The following SNX8 variants were observed in gnomAD, a reference collection of about 807,000 sequenced individuals.
SNX8 encodes the protein sorting nexin-8.
Under a neutral mutation model 51.6 loss-of-function variants are expected in SNX8, and 25 were observed. The ratio of observed to expected loss-of-function variants is 0.48; its 90% CI spans 0.35 to 0.68. SNX8 has a LOEUF of 0.68. Among genes scored for constraint, SNX8 ranks in the 30% least tolerant of loss-of-function variants. The pLI, the probability that SNX8 is intolerant of heterozygous loss-of-function variation, is 0.00. For synonymous variants in SNX8, 324 were observed against 277.0 expected (o/e 1.17, Z -1.68); for missense variants, 695 against 624.0 (o/e 1.11, Z -1.21).
intron 10 of SNX8, 21 bp downstream of exon 10, chr7:2,256,853 G>A (rs745787149): frequency 4.4e-5 from 70 of 1,598,378 alleles, no homozygotes; most frequent in Middle Eastern, 1.8e-4. Context: ...CGAGACGGCG[G>A]CCGGAGCAGG....
At chr7:2,328,212 T>C (rs150429699) in intron 1 of SNX8, among the ~76,000 whole-genome samples, 80 of 152,162 alleles carry the variant, frequency 5.3e-4, no homozygotes, top group African/African-American at 1.9e-3. Context: ...TCACCACGCC[T>C]GGCTAATTTT....
chr7:2,265,868 T>C (rs908251131), intron 5 of SNX8, among the ~76,000 whole-genome samples: 2 of 151,368 alleles, frequency 1.3e-5, no homozygotes, highest in African/African-American at 2.4e-5. Context: ...TCCCAGTACT[T>C]TGGGGGGCCA....
chr7:2,351,856 A>T (rs1779148017), intron 1 of SNX8, among the ~76,000 whole-genome samples: 1 of 151,082 alleles, frequency 6.6e-6, no homozygotes, highest in Non-Finnish European at 1.5e-5. Context: ...AAATAAATAA[A>T]GATAATAATA....
intron 1 of SNX8, among the ~76,000 whole-genome samples, chr7:2,336,512 G>C (rs957473279): frequency 6.6e-6 from 1 of 151,940 alleles, no homozygotes; most frequent in Non-Finnish European, 1.5e-5. Flanking sequence ...TTTGAAACCA[G>C]CCTGCCTAAC....
chr7:2,332,250 A>G (rs78341905), intron 1 of SNX8, among the ~76,000 whole-genome samples: 3,138 of 150,706 alleles, frequency 0.021, 114 homozygotes, highest in African/African-American at 0.072. Context: ...ATACACATAT[A>G]TAATAAAATA....
chr7:2,352,278 T>G (rs77382933), intron 1 of SNX8, among the ~76,000 whole-genome samples: 1,597 of 152,178 alleles, frequency 0.01, 24 homozygotes, highest in African/African-American at 0.036. Context: ...CACTTTGACT[T>G]CATCTTGATT....
intron 4 of SNX8, 80 bp from the exon 5 acceptor site, chr7:2,269,719 C>T (rs1795597646): frequency 2.2e-6 from 2 of 911,712 alleles, no homozygotes; most frequent in Non-Finnish European, 3.4e-6. Flanking sequence ...CACTGTGGAG[C>T]GGGAGGTCGT....
At chr7:2,287,140 AAAT>A (rs969015403) in intron 1 of SNX8, among the ~76,000 whole-genome samples, 11 of 151,382 alleles carry the variant, frequency 7.3e-5, no homozygotes, top group African/African-American at 2.4e-5. Flanking sequence ...TCTGTCTCAA[AAAT>A]AATAATAATA....
intron 1 of SNX8, among the ~76,000 whole-genome samples, chr7:2,338,368 A>G (rs1280971261): frequency 1.3e-5 from 2 of 151,978 alleles, no homozygotes; most frequent in Non-Finnish European, 2.9e-5. Flanking sequence ...AGGCTGAGGC[A>G]GGAGAATGGC....
upstream of SNX8, chr7:2,314,613 C>T: frequency 2.6e-6 from 1 of 386,638 alleles, no homozygotes; most frequent in Non-Finnish European, 3.7e-6. Context: ...CCTAGCCACG[C>T]CCACATGCCC....
chr7:2,253,694 CGT>C lies in SNX8; in HGVS notation c.*1360_*1361del, dbSNP rs1795100007. On this transcript the variant is annotated 3_prime_UTR_variant, in exon 11 of 11. Transcript: ENST00000222990. The stretch of plus-strand genomic sequence containing the variant: ...AGCCCACGGGGCCAGAAGGCACGGC[CGT>C]TCCCTCTGGCCGGCTCGCAGTGGAC... 1 of 152,312 alleles carries C rather than the reference CGT, an allele frequency of 6.6e-6. No individual in the cohort carries two copies. Among genetic ancestry groups the C allele is most frequent in the Non-Finnish European group, 1.5e-5 (1 of 68,134 alleles). The allele number at this position is 152,312 out of a possible 1,614,324, so 9.4% of individuals were successfully genotyped here.
Position 2,272,139 on chromosome 7 carries a change from G to A in SNX8, c.419-168C>T, listed in dbSNP as rs191042820. On this transcript the variant is annotated intron_variant, in intron 3 of 10. Transcript: ENST00000222990. ...CTCAGACAATGGGTCTGAAAAGGCC[G>A]CCCAGAGCAATAACCTCACCCCCAG... Among the ~76,000 whole-genome samples the A allele has an allele frequency of 3.8e-3, 574 of 152,232 alleles. 1 individual carries two copies. Among genetic ancestry groups the A allele is most frequent in the African/African-American group, 0.013 (544 of 41,540 alleles).
intron 1 of SNX8, among the ~76,000 whole-genome samples, chr7:2,289,963 C>T (rs1042800247): frequency 6.6e-6 from 1 of 152,098 alleles, no homozygotes; most frequent in Admixed American, 6.6e-5. Context: ...GAGGCTGAGG[C>T]GGGTGGATCA....
intron 1 of SNX8, among the ~76,000 whole-genome samples, chr7:2,346,548 C>T (rs921399528): frequency 1.3e-5 from 2 of 151,202 alleles, no homozygotes; most frequent in Non-Finnish European, 2.9e-5. Flanking sequence ...GAGATCGAGA[C>T]CATCCTGGCT....
At chr7:2,315,742 CCACT>C (rs376050445), upstream of SNX8, among the ~76,000 whole-genome samples, 750 of 146,744 alleles carry the variant, frequency 5.1e-3, 14 homozygotes, top group African/African-American at 0.017. Context: ...ATTCATTCAC[CCACT>C]CACTCACTTA....
chr7:2,332,320 G>C (rs1415308848), intron 1 of SNX8, among the ~76,000 whole-genome samples: 1 of 151,986 alleles, frequency 6.6e-6, no homozygotes, highest in Non-Finnish European at 1.5e-5. Context: ...GACATATTAG[G>C]ACGTCAGCTC....
chr7:2,271,808 G>A (rs1185907864), intron 4 of SNX8, 42 bp downstream of exon 4: 19 of 1,564,920 alleles, frequency 1.2e-5, no homozygotes, highest in Non-Finnish European at 1.6e-5. Context: ...GAGGCTCGGG[G>A]ACTCCCCGGG....
intron 1 of SNX8, among the ~76,000 whole-genome samples, chr7:2,335,923 G>A (rs985756000): frequency 6.6e-5 from 10 of 151,552 alleles, no homozygotes; most frequent in Non-Finnish European, 1.0e-4. Context: ...CCAACATGGT[G>A]AAACCCCATC....
intron 1 of SNX8, among the ~76,000 whole-genome samples, chr7:2,280,348 G>A (rs750971605): frequency 1.8e-4 from 27 of 151,572 alleles, no homozygotes; most frequent in Non-Finnish European, 3.4e-4. Flanking sequence ...ACATGTTAGC[G>A]CACACCTGTA....
Sources: gnomAD v4.1 joint callset for allele counts (sites outside exome capture counted in the v4.1 genomes callset) on GRCh38, gnomAD v4.1.1 for gene constraint, MANE v1.5 for transcripts, NCBI Gene and HGNC (gene_info 2026-07-23, HGNC 2026-07-21) for gene names.